Variants in SMARCAD1 observed in about 807,000 individuals in gnomAD.
SMARCAD1 encodes SNF2 related chromatin remodeling ATPase with DExD box 1.
A neutral mutation model predicts 127.1 loss-of-function variants in SMARCAD1; 25 were observed. The ratio of observed to expected loss-of-function variants is 0.20; its 90% CI spans 0.14 to 0.27. The LOEUF is 0.27. Among genes scored for constraint, SMARCAD1 ranks in the 10% least tolerant of loss-of-function variants. The pLI is 1.00. For missense variants in SMARCAD1, 807 were observed against 1,206.0 expected, an observed-to-expected ratio of 0.67 and a Z score of 4.90; for synonymous variants, 400 against 396.9, an observed-to-expected ratio of 1.01 and a Z score of -0.09.
intron 2 of SMARCAD1, among the ~76,000 whole-genome samples, chr4:94,219,498 G>A (rs1467575368): frequency 6.6e-6 from 1 of 151,832 alleles, no homozygotes; most frequent in Admixed American, 6.6e-5. Context: ...CTTGTTTTAT[G>A]GTAGACTTAG....
At chr4:94,277,287 ACT>A in intron 16 of SMARCAD1, 128 bp downstream of exon 16, 3 of 1,089,090 alleles carry the variant, frequency 2.8e-6, no homozygotes, top group Non-Finnish European at 2.7e-6. Context: ...GTAGGTGATA[ACT>A]CTATATTTGG....
intron 23 of SMARCAD1, among the ~76,000 whole-genome samples, chr4:94,285,290 A>G (rs1207348644): frequency 6.6e-6 from 1 of 152,168 alleles, no homozygotes; most frequent in Admixed American, 6.5e-5. Flanking sequence ...GTTTTTGAAA[A>G]GAATATGTTC....
chr4:94,279,694 C>T (rs1336655834), intron 19 of SMARCAD1, among the ~76,000 whole-genome samples: 2 of 152,160 alleles, frequency 1.3e-5, no homozygotes, highest in African/African-American at 2.4e-5. Context: ...TGGCCCTTTA[C>T]AGGAACAGTT....
intron 10 of SMARCAD1, among the ~76,000 whole-genome samples, chr4:94,265,565 A>T (rs1751618955): frequency 6.6e-6 from 1 of 151,696 alleles, no homozygotes; most frequent in African/African-American, 2.4e-5. Context: ...TGTAATTGTG[A>T]TCGCCCACAT....
chr4:94,217,055 G>C (rs1423203727), intron 2 of SMARCAD1, among the ~76,000 whole-genome samples: 1 of 152,122 alleles, frequency 6.6e-6, no homozygotes, highest in East Asian at 1.9e-4. Flanking sequence ...CAACAGTGTG[G>C]TGGGTTCCAG....
At chr4:94,277,696 T>A (rs1753496554) in intron 16 of SMARCAD1, among the ~76,000 whole-genome samples, 1 of 152,194 alleles carries the variant, frequency 6.6e-6, no homozygotes, top group Non-Finnish European at 1.5e-5. Flanking sequence ...GAACTCCCAG[T>A]TTTTTCAATA....
chr4:94,232,727 C>T (rs934532109), intron 3 of SMARCAD1, among the ~76,000 whole-genome samples: 3 of 152,076 alleles, frequency 2.0e-5, no homozygotes, highest in Admixed American at 6.6e-5. Context: ...CCAAGGCGGG[C>T]GGATCGCTTG....
intron 6 of SMARCAD1, among the ~76,000 whole-genome samples, chr4:94,244,359 A>T (rs1443533555): frequency 1.3e-5 from 2 of 152,246 alleles, no homozygotes; most frequent in Admixed American, 1.3e-4. Flanking sequence ...CTATTAGTGT[A>T]GATATGAAAG....
At chr4:94,280,565 G>T in intron 19 of SMARCAD1, 27 bp from the exon 20 acceptor site, 1 of 1,543,696 alleles carries the variant, frequency 6.5e-7, no homozygotes, top group Non-Finnish European at 8.9e-7. Context: ...TTATTTTGAA[G>T]TATACTGTGT....
chr4:94,289,376 T>C, intron 23 of SMARCAD1, 97 bp from the exon 24 acceptor site: 10 of 1,102,410 alleles, frequency 9.1e-6, no homozygotes, highest in Non-Finnish European at 1.2e-5. Flanking sequence ...CCTTGAAAGA[T>C]GAGTAAGAAT....
At chr4:94,239,467 CAAAA>C (rs1747233349) in intron 5 of SMARCAD1, among the ~76,000 whole-genome samples, 1 of 149,974 alleles carries the variant, frequency 6.7e-6, no homozygotes, top group African/African-American at 2.5e-5. Flanking sequence ...ATTACAGAAA[CAAAA>C]AAATGTATAT....
At chr4:94,230,376 C>T (rs1258219143) in intron 3 of SMARCAD1, among the ~76,000 whole-genome samples, 2 of 151,652 alleles carry the variant, frequency 1.3e-5, no homozygotes, top group Non-Finnish European at 2.9e-5. Flanking sequence ...GTATATATCT[C>T]CTGGAAATCA....
At chr4:94,278,573 T>C (rs776957049) in intron 17 of SMARCAD1, 43 bp from the exon 18 acceptor site, 2 of 1,611,302 alleles carry the variant, frequency 1.2e-6, no homozygotes, top group Non-Finnish European at 8.5e-7. Flanking sequence ...TAGGTTTTTC[T>C]CTTTACTAGA....
At chr4:94,243,888 C>G (rs1747994613) in intron 6 of SMARCAD1, among the ~76,000 whole-genome samples, 1 of 152,124 alleles carries the variant, frequency 6.6e-6, no homozygotes, top group Admixed American at 6.5e-5. Flanking sequence ...TTCAAAAATG[C>G]CACACAGTAC....
chr4:94,276,496 T>C, intron 15 of SMARCAD1, 22 bp downstream of exon 15: 1 of 1,613,522 alleles, frequency 6.2e-7, no homozygotes, highest in Non-Finnish European at 8.5e-7. Context: ...TTTGTAAAGT[T>C]TTCCAAATTA....
At chr4:94,262,304 A>G (rs1751110389) in intron 9 of SMARCAD1, among the ~76,000 whole-genome samples, 1 of 152,122 alleles carries the variant, frequency 6.6e-6, no homozygotes. Context: ...GGTACCACTA[A>G]TCTGTTAGCA....
chr4:94,266,548 T>C (rs1201846753), intron 10 of SMARCAD1, among the ~76,000 whole-genome samples: 1 of 152,108 alleles, frequency 6.6e-6, no homozygotes, highest in Non-Finnish European at 1.5e-5. Flanking sequence ...TAGAATTTGT[T>C]GTCTTGATTT....
At chr4:94,237,068 T>C in intron 5 of SMARCAD1, 50 bp downstream of exon 5, 1 of 1,357,808 alleles carries the variant, frequency 7.4e-7, no homozygotes, top group Non-Finnish European at 1.1e-6. Flanking sequence ...TACGTCATAA[T>C]AATAGTACCT....
At chr4:94,276,566 A>G (rs1419633429) in intron 15 of SMARCAD1, 92 bp downstream of exon 15, 1 of 1,459,786 alleles carries the variant, frequency 6.9e-7, no homozygotes, top group South Asian at 1.2e-5. Context: ...AATCTGTATT[A>G]TGTAGTTTAA....
Sources: allele counts gnomAD v4.1 joint callset (sites outside exome capture counted in the v4.1 genomes callset), GRCh38; gene constraint gnomAD v4.1.1; transcripts MANE v1.5; gene names NCBI Gene and HGNC (gene_info 2026-07-23, HGNC 2026-07-21).